SLC25A48: variants seen among roughly 807,000 people sequenced by gnomAD.
SLC25A48 encodes the protein CTC-321K16.1.
A neutral mutation model predicts 32.2 loss-of-function variants in SLC25A48; 29 were observed. The observed-to-expected ratio is 0.90, with a 90% CI of 0.67 to 1.23. The LOEUF (loss-of-function observed/expected upper bound fraction) is 1.23, where lower values mean the gene tolerates loss of function less well. Among genes scored for constraint, SLC25A48 ranks in the 50% most tolerant of loss-of-function variants. The pLI is 0.00. For missense variants in SLC25A48, 399 were observed against 422.7 expected, an observed-to-expected ratio of 0.94 and a Z score of 0.49; for synonymous variants, 164 against 172.3, an observed-to-expected ratio of 0.95 and a Z score of 0.38.
At chr5:135,839,462 C>G (rs1758815573) in intron 1 of SLC25A48, among the ~76,000 whole-genome samples, 1 of 152,168 alleles carries the variant, frequency 6.6e-6, no homozygotes, top group African/African-American at 2.4e-5. Context: ...GCTCGTACCC[C>G]CATTGTTTCT....
intron 3 of SLC25A48, among the ~76,000 whole-genome samples, chr5:135,771,997 G>A (rs1189728921): frequency 1.3e-5 from 2 of 151,070 alleles, no homozygotes; most frequent in Non-Finnish European, 3.0e-5. Flanking sequence ...TATCATGGGG[G>A]CTGTACACTC....
chr5:135,866,635 C>A (rs916554127), intron 4 of SLC25A48, among the ~76,000 whole-genome samples: 12 of 152,218 alleles, frequency 7.9e-5, no homozygotes, highest in African/African-American at 2.9e-4. Flanking sequence ...AGGCATCTAC[C>A]TCTAAGGGAC....
intron 1 of SLC25A48, among the ~76,000 whole-genome samples, chr5:135,836,360 T>C (rs1758507129): frequency 4.1e-5 from 1 of 24,254 alleles, no homozygotes; most frequent in Non-Finnish European, 1.0e-4. Flanking sequence ...TAACATGGCT[T>C]TTTTTTTTTT....
intron 3 of SLC25A48, among the ~76,000 whole-genome samples, chr5:135,668,302 TTATA>T: frequency 6.6e-6 from 1 of 152,318 alleles, no homozygotes; most frequent in East Asian, 1.9e-4. Flanking sequence ...TATGAGCTAT[TTATA>T]TACGCAGCAA....
chr5:135,788,917 C>T (rs1373788315), intron 3 of SLC25A48, among the ~76,000 whole-genome samples: 1 of 145,776 alleles, frequency 6.9e-6, no homozygotes, highest in Non-Finnish European at 1.5e-5. Context: ...CCATATGGTG[C>T]GTAATATCCG....
chr5:135,828,138 C>T (rs886632686), intron 4 of SLC25A48, among the ~76,000 whole-genome samples: 12 of 152,218 alleles, frequency 7.9e-5, no homozygotes, highest in Non-Finnish European at 1.5e-4. Flanking sequence ...CTGCAGAGCT[C>T]TCTAAGGGAG....
chr5:135,653,892 G>A (rs1403685660), intron 3 of SLC25A48: 2 of 456,280 alleles, frequency 4.4e-6, no homozygotes, highest in Non-Finnish European at 8.8e-6. Context: ...CAGCCACAGG[G>A]CAAGCATATA....
intron 3 of SLC25A48, among the ~76,000 whole-genome samples, chr5:135,711,841 C>T (rs1316543464): frequency 6.6e-6 from 1 of 152,122 alleles, no homozygotes; most frequent in Non-Finnish European, 1.5e-5. Flanking sequence ...CATCCCTCTT[C>T]CTAAGGGCCA....
At chr5:135,867,177 G>C (rs1475997040) in intron 4 of SLC25A48, among the ~76,000 whole-genome samples, 1 of 152,154 alleles carries the variant, frequency 6.6e-6, no homozygotes, top group East Asian at 1.9e-4. Flanking sequence ...CGCTTGAGAA[G>C]GATATATATC....
intron 3 of SLC25A48, among the ~76,000 whole-genome samples, chr5:135,708,660 C>G (rs756423721): frequency 1.3e-5 from 2 of 152,166 alleles, no homozygotes; most frequent in Non-Finnish European, 2.9e-5. Context: ...AACATTGCTG[C>G]TGTGGTGCCC....
chr5:135,761,463 A>G (rs1756057693), intron 3 of SLC25A48, among the ~76,000 whole-genome samples: 1 of 152,100 alleles, frequency 6.6e-6, no homozygotes, highest in Non-Finnish European at 1.5e-5. Context: ...AAATATATAT[A>G]TAAAAAAAGA....
chr5:135,582,930 G>A lies in SLC25A48; in HGVS notation c.-849+3333G>A, dbSNP rs149834844. On this transcript the variant is annotated intron_variant, in intron 1 of 10. Transcript: ENST00000646290. ...TGCCACCGATTTTAGTTTATTCATT[G>A]TATGTGCAGCAACCTCAAATTGTAC... is the stretch of plus-strand genomic sequence containing the variant. 2.0e-5 allele frequency among the ~76,000 whole-genome samples: 3 copies of A among 152,286 alleles called. No individual in the cohort carries two copies. In the East Asian group the frequency reaches 5.8e-4, roughly 29 times the overall value.
intron 3 of SLC25A48, chr5:135,650,521 ACCCTG>A: frequency 2.4e-6 from 1 of 425,084 alleles, no homozygotes; most frequent in Admixed American, 2.8e-5. Flanking sequence ...ACAAGGGATG[ACCCTG>A]AACAAAAAGT....
In SLC25A48 at chr5:135,708,846, G is replaced by A. The variant is rs75584754; in HGVS notation, c.-521+73890G>A. Among the ~76,000 whole-genome samples the A allele has an allele frequency of 4.5e-4, 68 of 152,246 alleles. 2 individuals carry two copies. In the East Asian group the frequency reaches 0.013, roughly 29 times the overall value. ...AGTACCATGAATCCTAGTGGGGCAGGGCAGAGCAGGCACTGCTTTTGAGAA... is the reference window on the plus strand; with the variant it reads ...AGTACCATGAATCCTAGTGGGGCAGAGCAGAGCAGGCACTGCTTTTGAGAA... On this transcript the variant is annotated intron_variant, in intron 3 of 10. Coordinates refer to the SLC25A48 transcript ENST00000646290.
chr5:135,866,635 C>G (rs916554127), intron 4 of SLC25A48, among the ~76,000 whole-genome samples: 1 of 152,336 alleles, frequency 6.6e-6, no homozygotes, highest in East Asian at 1.9e-4. Flanking sequence ...AGGCATCTAC[C>G]TCTAAGGGAC....
chr5:135,721,309 C>A (rs953646926), intron 3 of SLC25A48, among the ~76,000 whole-genome samples: 34 of 146,020 alleles, frequency 2.3e-4, no homozygotes, highest in Admixed American at 7.1e-5. Flanking sequence ...TCAAGCAATT[C>A]TCCTGCCTCA....
At chr5:135,855,666 A>G (rs1031237944) in intron 4 of SLC25A48, among the ~76,000 whole-genome samples, 1 of 152,236 alleles carries the variant, frequency 6.6e-6, no homozygotes, top group Non-Finnish European at 1.5e-5. Flanking sequence ...TGGCAACAGC[A>G]AAGCACTAAG....
chr5:135,834,807 G>C lies in SLC25A48; in HGVS notation c.-41G>C. 5.8e-6 allele frequency: 9 copies of C among 1,556,876 alleles called. No individual in the cohort carries two copies. The highest frequency in any genetic ancestry group is 7.8e-6 in the Non-Finnish European group (9 of 1,151,328). On this transcript the variant is annotated 5_prime_UTR_variant, in exon 1 of 8. Transcript: ENST00000681962. ...GCCATGCCCCACTGACTCTAAGTGGGCACTGCCCCGGCTCCGGGAGGGCGA... is the reference window on the plus strand; with the variant it reads ...GCCATGCCCCACTGACTCTAAGTGGCCACTGCCCCGGCTCCGGGAGGGCGA...
At chr5:135,763,994 T>A (rs1286819875) in intron 3 of SLC25A48, among the ~76,000 whole-genome samples, 1 of 152,132 alleles carries the variant, frequency 6.6e-6, no homozygotes, top group Non-Finnish European at 1.5e-5. Context: ...TGCCTCAGCC[T>A]CCCGAGTGCG....
Sources: allele counts gnomAD v4.1 joint callset (sites outside exome capture counted in the v4.1 genomes callset), GRCh38; gene constraint gnomAD v4.1.1; transcripts MANE v1.5; gene names NCBI Gene and HGNC (gene_info 2026-07-23, HGNC 2026-07-21).